Variants in PBX1 observed in about 807,000 individuals in gnomAD.
The protein encoded by PBX1 is PBX homeobox 1, also known as pre-B-cell leukemia transcription factor 1.
PBX1 carries 6 observed loss-of-function variants against 53.4 expected under a neutral mutation model. That is an observed-to-expected ratio of 0.11 (90% CI 0.06 to 0.22). The LOEUF (loss-of-function observed/expected upper bound fraction) is 0.22, where lower values mean the gene tolerates loss of function less well. Among genes scored for constraint, PBX1 ranks in the 10% least tolerant of loss-of-function variants. The probability of loss-of-function intolerance (pLI) is 1.00; values close to 1 mark genes in which losing one functional copy is unlikely to be tolerated. For missense variants in PBX1, 251 were observed against 551.4 expected (o/e 0.46, Z 5.46); for synonymous variants, 204 against 212.3 (o/e 0.96, Z 0.34).
intron 2 of PBX1, among the ~76,000 whole-genome samples, chr1:164,686,595 G>A (rs1310643696): frequency 2.0e-5 from 3 of 152,252 alleles, no homozygotes; most frequent in East Asian, 1.9e-4. Flanking sequence ...ATTCCTCCTT[G>A]TGTTCACAGA....
At chr1:164,813,657 A>G (rs1377437847) in intron 6 of PBX1, 1 of 152,234 alleles carries the variant, frequency 6.6e-6, no homozygotes. Context: ...TGCAAAGGTT[A>G]TCATAATGCA....
chr1:164,828,511 A>G (rs1052301942), intron 8 of PBX1: 3 of 152,150 alleles, frequency 2.0e-5, no homozygotes, highest in African/African-American at 7.2e-5. Context: ...AGCGTATGCT[A>G]TGTTCCTTTC....
chr1:164,768,500 CT>C (rs757042955), intron 2 of PBX1, among the ~76,000 whole-genome samples: 2 of 152,216 alleles, frequency 1.3e-5, no homozygotes, highest in African/African-American at 2.4e-5. Context: ...TGCTTTATAA[CT>C]TTGCTTTTGC....
intron 8 of PBX1, among the ~76,000 whole-genome samples, chr1:164,843,047 T>C (rs922019416): frequency 6.6e-6 from 1 of 152,122 alleles, no homozygotes; most frequent in Non-Finnish European, 1.5e-5. Flanking sequence ...TCCCCAGGGT[T>C]AACGTGGCAG....
At chr1:164,597,327 G>A (rs1571300720) in intron 2 of PBX1, among the ~76,000 whole-genome samples, 1 of 152,198 alleles carries the variant, frequency 6.6e-6, no homozygotes, top group South Asian at 2.1e-4. Context: ...AGAGTTGGTT[G>A]TTGTCCCCTA....
At chr1:164,870,948 C>T (rs577649279) in intron 2 of PBX1, among the ~76,000 whole-genome samples, 43 of 152,196 alleles carry the variant, frequency 2.8e-4, no homozygotes, top group Admixed American at 5.2e-4. Flanking sequence ...ATCCCACCCC[C>T]ACTCCCTTTT....
In PBX1 at chr1:164,849,615, C is replaced by A. The variant is rs1671736001; in HGVS notation, c.*2939C>A. Reference sequence around the variant, plus strand: ...ATTTCCCCTGAGAAACGATACTAGACCCTGGGTTTGCCCACCTTGTAACTC... The same window carrying A: ...ATTTCCCCTGAGAAACGATACTAGAACCTGGGTTTGCCCACCTTGTAACTC... On this transcript the variant is annotated 3_prime_UTR_variant, in exon 9 of 9. Transcript: ENST00000420696. The A allele has an allele frequency of 3.1e-6, 2 of 650,478 alleles. No individual in the cohort carries two copies. The highest frequency in any genetic ancestry group is 4.9e-6 in the Non-Finnish European group (2 of 407,108). The allele number at this position is 650,478 out of a possible 1,614,324, so 40.3% of individuals were successfully genotyped here.
intron 2 of PBX1, among the ~76,000 whole-genome samples, chr1:164,736,124 C>T (rs1665255213): frequency 6.6e-6 from 1 of 152,168 alleles, no homozygotes; most frequent in African/African-American, 2.4e-5. Context: ...CCTGAAAGTG[C>T]CCCATCCAGC....
At chr1:164,592,313 C>T (rs867746085) in intron 2 of PBX1, among the ~76,000 whole-genome samples, 14 of 152,194 alleles carry the variant, frequency 9.2e-5, no homozygotes, top group African/African-American at 2.9e-4. Context: ...TTAGCTTTGA[C>T]GTGTAAACCT....
At chr1:164,647,739 G>A (rs1286438974) in intron 2 of PBX1, among the ~76,000 whole-genome samples, 2 of 151,898 alleles carry the variant, frequency 1.3e-5, no homozygotes, top group East Asian at 3.9e-4. Context: ...TGGTGCCTGG[G>A]ATCTACCCTG....
chr1:164,569,608 A>G (rs193175111), intron 2 of PBX1, among the ~76,000 whole-genome samples: 4 of 115,086 alleles, frequency 3.5e-5, no homozygotes, highest in Admixed American at 2.8e-4. Flanking sequence ...GTCTCACTCT[A>G]TCTCCCAGGT....
chr1:164,706,675 C>A (rs558228693), intron 2 of PBX1, among the ~76,000 whole-genome samples: 1 of 152,080 alleles, frequency 6.6e-6, no homozygotes, highest in Non-Finnish European at 1.5e-5. Context: ...AGCCTTGGTG[C>A]TTTACAAGGT....
At chr1:164,604,390 C>A (rs893240235) in intron 2 of PBX1, among the ~76,000 whole-genome samples, 2 of 152,170 alleles carry the variant, frequency 1.3e-5, no homozygotes, top group Admixed American at 1.3e-4. Context: ...GTTCCCATTA[C>A]TCTAAGGGTT....
intron 2 of PBX1, among the ~76,000 whole-genome samples, chr1:164,696,128 G>A (rs1019116408): frequency 6.6e-6 from 1 of 152,158 alleles, no homozygotes; most frequent in Non-Finnish European, 1.5e-5. Context: ...TAGATTGAAG[G>A]ACTTCTCATC....
chr1:164,868,372 G>T (rs1446437379), intron 2 of PBX1, among the ~76,000 whole-genome samples: 1 of 152,188 alleles, frequency 6.6e-6, no homozygotes, highest in Non-Finnish European at 1.5e-5. Flanking sequence ...ACAGTTAAGG[G>T]TCCGGGCTTT....
intron 2 of PBX1, among the ~76,000 whole-genome samples, chr1:164,725,534 G>A (rs1000391794): frequency 2.0e-5 from 3 of 151,828 alleles, no homozygotes; most frequent in South Asian, 2.1e-4. Context: ...CTTCTCTAAC[G>A]CCTTTCTGCT....
chr1:164,782,371 G>T (rs1398315107), intron 2 of PBX1, among the ~76,000 whole-genome samples: 3 of 152,202 alleles, frequency 2.0e-5, no homozygotes, highest in Non-Finnish European at 4.4e-5. Flanking sequence ...CCTGGCAGAG[G>T]TTTGCATTTC....
At chr1:164,621,516 G>A (rs1657678571) in intron 2 of PBX1, among the ~76,000 whole-genome samples, 2 of 152,198 alleles carry the variant, frequency 1.3e-5, no homozygotes, top group Admixed American at 1.3e-4. Context: ...TTCTCCTTCA[G>A]GGGCTGATTT....
At chr1:164,590,423 C>A (rs536045939) in intron 2 of PBX1, 91 of 455,964 alleles carry the variant, frequency 2.0e-4, no homozygotes, top group Non-Finnish European at 2.9e-4. Context: ...CCGCCGCCCC[C>A]CTGTGCTTCA....
Sources: gnomAD v4.1 joint callset for allele counts (sites outside exome capture counted in the v4.1 genomes callset) on GRCh38, gnomAD v4.1.1 for gene constraint, MANE v1.5 for transcripts, NCBI Gene and HGNC (gene_info 2026-07-23, HGNC 2026-07-21) for gene names.